DLGAP2: variants seen among roughly 807,000 people sequenced by gnomAD.
The protein encoded by DLGAP2 is DLG associated protein 2.
DLGAP2 carries 26 observed loss-of-function variants against 100.3 expected under a neutral mutation model. The observed-to-expected ratio is 0.26, with a 90% CI of 0.19 to 0.36. The LOEUF (loss-of-function observed/expected upper bound fraction) is 0.36, where lower values mean the gene tolerates loss of function less well. Ranked by LOEUF, DLGAP2 falls within the 10% of genes least tolerant of loss-of-function variation. The pLI is 1.00. For missense variants in DLGAP2, 1,858 were observed against 1,453.2 expected, an observed-to-expected ratio of 1.28 and a Z score of -4.53; for synonymous variants, 886 against 630.1, an observed-to-expected ratio of 1.41 and a Z score of -6.08.
intron 2 of DLGAP2, among the ~76,000 whole-genome samples, chr8:1,181,860 C>G (rs938194079): frequency 6.6e-6 from 1 of 152,146 alleles, no homozygotes; most frequent in South Asian, 2.1e-4. Context: ...GCACGGCACC[C>G]CCTGGAGAGG....
At chr8:1,372,550 A>G (rs1289185406) in intron 3 of DLGAP2, among the ~76,000 whole-genome samples, 1 of 152,120 alleles carries the variant, frequency 6.6e-6, no homozygotes, top group East Asian at 1.9e-4. Context: ...GCAGGGTTTT[A>G]GGAGCATCAC....
chr8:967,756 C>G (rs1799906776), intron 2 of DLGAP2, among the ~76,000 whole-genome samples: 2 of 78,818 alleles, frequency 2.5e-5, no homozygotes, highest in South Asian at 1.2e-3. Context: ...TGGTGTTCAA[C>G]AAAGAGGTGT....
chr8:1,233,031 T>G (rs1798570160), intron 2 of DLGAP2, among the ~76,000 whole-genome samples: 2 of 152,226 alleles, frequency 1.3e-5, no homozygotes, highest in Non-Finnish European at 2.9e-5. Context: ...CCATCTGGCA[T>G]TGGCGGAATT....
intron 3 of DLGAP2, among the ~76,000 whole-genome samples, chr8:1,299,226 T>G (rs1800269526): frequency 6.6e-6 from 1 of 152,158 alleles, no homozygotes; most frequent in South Asian, 2.1e-4. Context: ...AGCTCTGGGC[T>G]CCGCCATAGA....
At chr8:1,631,736 A>G (rs1797652322) in intron 7 of DLGAP2, among the ~76,000 whole-genome samples, 1 of 152,192 alleles carries the variant, frequency 6.6e-6, no homozygotes, top group African/African-American at 2.4e-5. Flanking sequence ...TCCAGGGTCC[A>G]TGCTGAGTTA....
chr8:1,467,670 A>G (rs1369636336), intron 3 of DLGAP2, among the ~76,000 whole-genome samples: 2 of 152,164 alleles, frequency 1.3e-5, no homozygotes, highest in African/African-American at 2.4e-5. Flanking sequence ...TTTAGCCCCC[A>G]GCACAGAACC....
At chr8:844,612 C>T (rs898579408) in intron 1 of DLGAP2, among the ~76,000 whole-genome samples, 2 of 152,194 alleles carry the variant, frequency 1.3e-5, no homozygotes, top group African/African-American at 4.8e-5. Context: ...CCTTCCTCGC[C>T]TATCAAGGAT....
chr8:973,970 G>A (rs941796223), intron 2 of DLGAP2, among the ~76,000 whole-genome samples: 2 of 151,618 alleles, frequency 1.3e-5, no homozygotes, highest in Non-Finnish European at 2.9e-5. Context: ...CGGGCCACTC[G>A]GTCGCCAGAA....
At chr8:965,645 C>T (rs538967065) in intron 2 of DLGAP2, among the ~76,000 whole-genome samples, 6 of 139,638 alleles carry the variant, frequency 4.3e-5, no homozygotes, top group South Asian at 2.3e-4. Flanking sequence ...GTTCACCACA[C>T]AGGGCTCCTG....
rs1022216875 is a variant in DLGAP2, at chr8:859,089, C to T, written c.19-48823C>T. Among the ~76,000 whole-genome samples the T allele has an allele frequency of 8.5e-4, 127 of 150,108 alleles. 1 individual carries two copies. The highest frequency in any genetic ancestry group is 2.9e-3 in the African/African-American group (119 of 41,070). ...TTTTATTGTCACTAAAAACCTGAGA[C>T]ATAGACCAGCCCCACCTTAGTCTTC... On this transcript the variant is annotated intron_variant, in intron 1 of 14. Coordinates refer to ENST00000637795, the MANE Select transcript of DLGAP2 (RefSeq NM_001346810.2).
At chr8:1,127,566 G>A (rs980567371) in intron 2 of DLGAP2, among the ~76,000 whole-genome samples, 6 of 152,192 alleles carry the variant, frequency 3.9e-5, no homozygotes, top group Non-Finnish European at 7.3e-5. Flanking sequence ...TGCATCCGAT[G>A]GACATTGCTG....
chr8:1,407,251 G>C (rs796571552), intron 3 of DLGAP2, among the ~76,000 whole-genome samples: 7 of 25,360 alleles, frequency 2.8e-4, no homozygotes, highest in Non-Finnish European at 4.2e-4. Flanking sequence ...CTCCGGAGTC[G>C]TGTATTGAGT....
chr8:1,657,790 T>G (rs940313583), intron 8 of DLGAP2, among the ~76,000 whole-genome samples: 9 of 152,216 alleles, frequency 5.9e-5, no homozygotes, highest in Non-Finnish European at 1.2e-4. Flanking sequence ...ATTTTTAAAA[T>G]ATAGAAATCA....
At chr8:750,691 C>A (rs907734055) in intron 1 of DLGAP2, among the ~76,000 whole-genome samples, 2 of 152,338 alleles carry the variant, frequency 1.3e-5, no homozygotes, top group South Asian at 2.1e-4. Context: ...TCTGCCTCCG[C>A]CCTCCCCTGC....
In DLGAP2 at chr8:809,680, G is replaced by C. The variant is rs188386695; in HGVS notation, c.18+71855G>C. Among the ~76,000 whole-genome samples the C allele has an allele frequency of 3.3e-5, 5 of 152,262 alleles. No homozygotes were observed. The East Asian group carries it at 9.7e-4, about 29-fold the overall frequency. On this transcript the variant is annotated intron_variant, in intron 1 of 14. Coordinates refer to ENST00000637795, the MANE Select transcript of DLGAP2 (RefSeq NM_001346810.2). ...GAAATTGGTGAAGAACGGATGTGTT[G>C]TTTTCATGTGAGCTCACCTCCTTTG...
chr8:1,244,513 C>G (rs1279576037), intron 2 of DLGAP2, among the ~76,000 whole-genome samples: 1 of 152,136 alleles, frequency 6.6e-6, no homozygotes, highest in African/African-American at 2.4e-5. Flanking sequence ...GGCTGCCTCA[C>G]CAAAGGGTCA....
At chr8:1,557,950 G>A (rs1016730931) in intron 5 of DLGAP2, among the ~76,000 whole-genome samples, 1 of 152,230 alleles carries the variant, frequency 6.6e-6, no homozygotes, top group Non-Finnish European at 1.5e-5. Flanking sequence ...ACACAATTCA[G>A]GCCATAACTT....
intron 2 of DLGAP2, among the ~76,000 whole-genome samples, chr8:911,285 G>C (rs1798479714): frequency 6.6e-6 from 1 of 152,170 alleles, no homozygotes; most frequent in Admixed American, 6.5e-5. Context: ...AATGTATGTT[G>C]GAAGGATGCT....
At chr8:790,387 C>G (rs988181286) in intron 1 of DLGAP2, among the ~76,000 whole-genome samples, 1 of 152,114 alleles carries the variant, frequency 6.6e-6, no homozygotes, top group African/African-American at 2.4e-5. Flanking sequence ...CTATGTATCT[C>G]AAGTTTGTTT....
Sources: gnomAD v4.1 joint callset for allele counts (sites outside exome capture counted in the v4.1 genomes callset) on GRCh38, gnomAD v4.1.1 for gene constraint, MANE v1.5 for transcripts, NCBI Gene and HGNC (gene_info 2026-07-23, HGNC 2026-07-21) for gene names.